FAM227B: variants seen among roughly 807,000 people sequenced by gnomAD.
The protein encoded by FAM227B is protein FAM227B.
FAM227B carries 88 observed loss-of-function variants against 73.8 expected under a neutral mutation model. The ratio of observed to expected loss-of-function variants is 1.19; its 90% CI spans 1.00 to 1.42. The LOEUF (loss-of-function observed/expected upper bound fraction) is 1.42. Ranked by LOEUF, FAM227B falls within the 40% of genes most tolerant of loss-of-function variation. The pLI is 0.00. For synonymous variants in FAM227B, 210 were observed against 190.5 expected, an observed-to-expected ratio of 1.10 and a Z score of -0.84; for missense variants, 632 against 590.9, an observed-to-expected ratio of 1.07 and a Z score of -0.72.
At chr15:49,562,339 A>G (rs1454638066) in intron 9 of FAM227B, among the ~76,000 whole-genome samples, 2 of 152,034 alleles carry the variant, frequency 1.3e-5, no homozygotes, top group Non-Finnish European at 1.5e-5. Context: ...CAAATTCTGA[A>G]GTTAAATCAG....
rs117761715 is a variant in FAM227B, at chr15:49,335,035, A to G, written c.1349+384T>C. 3.2e-3 allele frequency among the ~76,000 whole-genome samples: 489 copies of G among 152,296 alleles called. 16 individuals carry two copies. In the East Asian group the frequency reaches 0.089, roughly 28 times the overall value. ...TTTGCTGTCTTGATTTCCTTGCTTG[A>G]CACCAGCCCAGCTGCCACCCCAGCT... is the stretch of plus-strand genomic sequence containing the variant. On this transcript the variant is annotated intron_variant, in intron 14 of 15. Coordinates refer to ENST00000299338, the MANE Select transcript of FAM227B (RefSeq NM_152647.3).
In FAM227B at chr15:49,461,564, C is replaced by T. The variant is rs564490892; in HGVS notation, c.1012+46647G>A. ...CTTGTCTATCTCTTTGAAAGAGCCA[C>T]GTACTTCTGTTTAATTTAGGCATAT... On this transcript the variant is annotated intron_variant, in intron 11 of 15. Transcript: ENST00000299338. Among the ~76,000 whole-genome samples, 135 of 152,302 alleles carry T rather than the reference C, an allele frequency of 8.9e-4. 5 individuals carry two copies. The South Asian group carries it at 0.027, about 30-fold the overall frequency.
In FAM227B at chr15:49,606,346, C is replaced by G. The variant is rs866851508; in HGVS notation, c.105+4869G>C. ...GCCTCTAATTCCAATTCTAACCATT[C>G]TAGTTTTCTCTCTTTCCGTATTATA... On this transcript the variant is annotated intron_variant, in intron 3 of 15. Coordinates refer to ENST00000299338, the MANE Select transcript of FAM227B (RefSeq NM_152647.3). 9 of 152,046 alleles carry G rather than the reference C, an allele frequency of 5.9e-5. No homozygotes were observed. The South Asian group carries it at 1.5e-3, about 25-fold the overall frequency. 9.4% of individuals were successfully genotyped at this position (152,046 alleles called of 1,614,324 possible). A position where few individuals can be genotyped will look rare whatever the true frequency, so the allele number is the denominator to read the frequency against.
chr15:49,371,424 T>C, intron 11 of FAM227B, 25 bp from the exon 12 acceptor site: 1 of 1,397,592 alleles, frequency 7.2e-7, no homozygotes, highest in Non-Finnish European at 9.9e-7. Flanking sequence ...AAAATACTTT[T>C]TAAAATTCTG....
chr15:49,548,268 T>C lies in FAM227B; in HGVS notation c.748-6462A>G, dbSNP rs1011702750. ...ATCAAATGCTTTTTTTCAGCATCAG[T>C]TGAAATGATCATATGGGTTTTATCC... On this transcript the variant is annotated intron_variant, in intron 9 of 15. Transcript: ENST00000299338. Among the ~76,000 whole-genome samples the C allele has an allele frequency of 1.4e-4, 21 of 152,236 alleles. No homozygotes were observed. In the East Asian group the frequency reaches 1.7e-3, roughly 13 times the overall value.
intron 13 of FAM227B, among the ~76,000 whole-genome samples, chr15:49,356,055 C>G (rs560137234): frequency 2.0e-5 from 3 of 150,022 alleles, no homozygotes; most frequent in Non-Finnish European, 4.4e-5. Flanking sequence ...GATTTTCTCA[C>G]CAACAGGCCT....
At chr15:49,494,480 C>A (rs921110998) in intron 11 of FAM227B, among the ~76,000 whole-genome samples, 12 of 152,084 alleles carry the variant, frequency 7.9e-5, no homozygotes, top group African/African-American at 2.9e-4. Flanking sequence ...AAAACTTTTC[C>A]TAACATTTTG....
At chr15:49,601,799 C>T (rs1330883153) in intron 3 of FAM227B, among the ~76,000 whole-genome samples, 1 of 152,178 alleles carries the variant, frequency 6.6e-6, no homozygotes, top group Non-Finnish European at 1.5e-5. Flanking sequence ...CCTCCCACTC[C>T]TTTTCCCAGT....
chr15:49,344,160 T>A (rs1417339105), intron 13 of FAM227B: 1 of 152,178 alleles, frequency 6.6e-6, no homozygotes, highest in Non-Finnish European at 1.5e-5. Flanking sequence ...CTTAAAAATA[T>A]GATTGTACAA....
rs150321232 is a variant in FAM227B at position 49,345,163 on chromosome 15, T to G, written c.1272-9667A>C. ...GATGTATTTGTCACTTTGAACAAAT[T>G]TTGGATTTTCTTTGACTTGTACATT... On this transcript the variant is annotated intron_variant, in intron 13 of 15. Transcript: ENST00000299338. 5.6e-3 allele frequency among the ~76,000 whole-genome samples: 854 copies of G among 152,320 alleles called. 6 individuals are homozygous for G. Among genetic ancestry groups the G allele is most frequent in the African/African-American group, 0.02 (814 of 41,584 alleles).
At chr15:49,452,878 A>C (rs1328023333) in intron 11 of FAM227B, among the ~76,000 whole-genome samples, 1 of 152,218 alleles carries the variant, frequency 6.6e-6, no homozygotes, top group Non-Finnish European at 1.5e-5. Flanking sequence ...ATAAACAAAA[A>C]GATGATAAAA....
At chr15:49,558,924 A>T (rs2073998813) in intron 9 of FAM227B, among the ~76,000 whole-genome samples, 1 of 152,102 alleles carries the variant, frequency 6.6e-6, no homozygotes, top group African/African-American at 2.4e-5. Context: ...CCAAAGGTGG[A>T]GACCCCCCGC....
At chr15:49,509,210 T>C (rs183501498) in intron 10 of FAM227B, among the ~76,000 whole-genome samples, 44 of 152,298 alleles carry the variant, frequency 2.9e-4, no homozygotes, top group Admixed American at 7.2e-4. Flanking sequence ...AATGGTTGTG[T>C]GTGACCTCTG....
intron 14 of FAM227B, 30 bp downstream of exon 14, chr15:49,335,389 A>G (rs761173141): frequency 1.8e-5 from 26 of 1,426,426 alleles, no homozygotes; most frequent in Non-Finnish European, 2.5e-5. Flanking sequence ...GTATTATTTT[A>G]TATTTAACAA....
intron 14 of FAM227B, among the ~76,000 whole-genome samples, chr15:49,333,435 G>T (rs776285011): frequency 1.3e-4 from 20 of 152,132 alleles, no homozygotes; most frequent in Non-Finnish European, 2.9e-4. Flanking sequence ...GTTACTCTGA[G>T]AATTGTCCTA....
At chr15:49,597,237 A>G (rs1354256752) in intron 3 of FAM227B, among the ~76,000 whole-genome samples, 1 of 152,024 alleles carries the variant, frequency 6.6e-6, no homozygotes, top group Non-Finnish European at 1.5e-5. Flanking sequence ...AACAAGTCTC[A>G]ATAAATTCAA....
chr15:49,384,126 T>C (rs2046721915), intron 11 of FAM227B, among the ~76,000 whole-genome samples: 1 of 152,070 alleles, frequency 6.6e-6, no homozygotes, highest in South Asian at 2.1e-4. Context: ...GACTTCTCTT[T>C]AGGATGTACC....
chr15:49,346,991 A>G (rs528769405), intron 13 of FAM227B, among the ~76,000 whole-genome samples: 28 of 152,352 alleles, frequency 1.8e-4, no homozygotes, highest in South Asian at 1.2e-3. Context: ...TTAAAAGGTT[A>G]TAAGCACATG....
chr15:49,339,949 A>C (rs1404060606), intron 13 of FAM227B, among the ~76,000 whole-genome samples: 1 of 152,122 alleles, frequency 6.6e-6, no homozygotes, highest in Non-Finnish European at 1.5e-5. Context: ...AGCCTCAGCA[A>C]TGGTGGACAC....
Sources: allele counts gnomAD v4.1 joint callset (sites outside exome capture counted in the v4.1 genomes callset), GRCh38; gene constraint gnomAD v4.1.1; transcripts MANE v1.5; gene names NCBI Gene and HGNC (gene_info 2026-07-23, HGNC 2026-07-21).